The following PIAS2 variants were observed in gnomAD, a reference collection of about 807,000 sequenced individuals.
The protein encoded by PIAS2 is E3 SUMO-protein ligase PIAS2.
PIAS2 carries 19 observed loss-of-function variants against 69.7 expected under a neutral mutation model. The observed-to-expected ratio is 0.27, with a 90% CI of 0.19 to 0.40. PIAS2 has a LOEUF of 0.40. Ranked by LOEUF, PIAS2 falls within the 10% of genes least tolerant of loss-of-function variation. The pLI is 1.00. For missense variants in PIAS2, 624 were observed against 757.0 expected (o/e 0.82, Z 2.06); for synonymous variants, 261 against 263.2 (o/e 0.99, Z 0.08).
intron 12 of PIAS2, chr18:46,817,941 G>A: frequency 2.0e-6 from 2 of 983,678 alleles, no homozygotes; most frequent in Non-Finnish European, 2.4e-6. Context: ...TTAGCAAAAT[G>A]CTGTTTCTTA....
rs1231281249 is a variant in PIAS2 at position 46,803,393 on chromosome 18, T to C, written c.*9040A>G. 1 of 152,196 alleles carries C rather than the reference T, an allele frequency of 6.6e-6. No individual in the cohort carries two copies. Among genetic ancestry groups the C allele is most frequent in the East Asian group, 1.9e-4 (1 of 5,194 alleles). 9.4% of individuals were successfully genotyped at this position (152,196 alleles called of 1,614,324 possible). ...ACCACTTGCTTCTTGAAATACTCTATTTTTTGGCCTCTGTAATACCACGTT... is the reference window on the plus strand; with the variant it reads ...ACCACTTGCTTCTTGAAATACTCTACTTTTTGGCCTCTGTAATACCACGTT... On this transcript the variant is annotated 3_prime_UTR_variant, in exon 14 of 14. Coordinates refer to ENST00000585916, the MANE Select transcript of PIAS2 (RefSeq NM_004671.5).
chr18:46,822,738 G>T (rs1015340854), intron 11 of PIAS2, among the ~76,000 whole-genome samples: 46 of 152,110 alleles, frequency 3.0e-4, no homozygotes, highest in Non-Finnish European at 4.0e-4. Context: ...GTTTATATGA[G>T]AAACTGGAGG....
intron 8 of PIAS2, among the ~76,000 whole-genome samples, chr18:46,839,884 C>G (rs980121114): frequency 2.7e-5 from 4 of 149,910 alleles, no homozygotes; most frequent in Admixed American, 6.6e-5. Flanking sequence ...AAAAAAAGGC[C>G]GGGCACAGTG....
intron 9 of PIAS2, among the ~76,000 whole-genome samples, chr18:46,833,196 T>C (rs1358140032): frequency 2.0e-5 from 3 of 152,180 alleles, no homozygotes; most frequent in Non-Finnish European, 4.4e-5. Flanking sequence ...AACTGTGGGT[T>C]AGAATGCAAC....
At position 46,812,443 on chromosome 18, in the gene PIAS2, G is replaced by A; in HGVS notation, c.1856C>T (p.Ser619Leu). The A allele has an allele frequency of 1.9e-6, 3 of 1,607,330 alleles. No individual in the cohort carries two copies. Among genetic ancestry groups the A allele is most frequent in the Non-Finnish European group, 2.6e-6 (3 of 1,175,192 alleles). Residue 619 changes from serine (S) to leucine (L), a missense_variant, in exon 14 of 14, where the codon TCA becomes TTA. By Grantham distance (145) the Ser-to-Leu change is moderately radical (BLOSUM62 -2). Transcript: ENST00000585916. ...CAAGTGAGTCCTCCTTTAGTCCAAT[G>A]AGATGATGTCAGGAATGTTACTTCC... ...SSGSNIPDII[S>L]LD
At chr18:46,866,529 G>C (rs1018102127) in intron 2 of PIAS2, among the ~76,000 whole-genome samples, 8 of 152,134 alleles carry the variant, frequency 5.3e-5, no homozygotes, top group African/African-American at 1.9e-4. Context: ...AAATCACCAG[G>C]ATTATTTTAA....
intron 2 of PIAS2, among the ~76,000 whole-genome samples, chr18:46,874,934 C>A (rs2050925284): frequency 6.6e-6 from 1 of 152,098 alleles, no homozygotes; most frequent in African/African-American, 2.4e-5. Flanking sequence ...ATCTGCACGG[C>A]CAAAAGGGGA....
chr18:46,917,070 T>C (rs2058036592), intron 1 of PIAS2: 16 of 988,488 alleles, frequency 1.6e-5, no homozygotes, highest in Non-Finnish European at 1.9e-5. Context: ...GCGCCAGGTG[T>C]GCGGACCACT....
chr18:46,879,732 G>GA (rs1388868217), intron 2 of PIAS2, among the ~76,000 whole-genome samples: 2 of 151,604 alleles, frequency 1.3e-5, no homozygotes, highest in East Asian at 1.9e-4. Context: ...CCTTAAAAAG[G>GA]AAAAAAAATC....
At chr18:46,917,086 C>G in intron 1 of PIAS2, 1 of 989,326 alleles carries the variant, frequency 1.0e-6, no homozygotes, top group Non-Finnish European at 1.2e-6. Flanking sequence ...CCACTGGCAG[C>G]ACTCAGGAGC....
intron 9 of PIAS2, among the ~76,000 whole-genome samples, chr18:46,834,080 G>C (rs1361477684): frequency 3.3e-5 from 5 of 151,266 alleles, no homozygotes; most frequent in Non-Finnish European, 1.5e-5. Context: ...TTTAGACCTA[G>C]TATCTGACAC....
chr18:46,863,041 T>C (rs1042348078), intron 3 of PIAS2, among the ~76,000 whole-genome samples: 9 of 152,110 alleles, frequency 5.9e-5, no homozygotes, highest in Non-Finnish European at 1.0e-4. Context: ...AATTAAATGC[T>C]ACAGATTTCC....
chr18:46,909,543 C>T (rs947320219), intron 1 of PIAS2, among the ~76,000 whole-genome samples: 2 of 152,188 alleles, frequency 1.3e-5, no homozygotes, highest in Admixed American at 1.3e-4. Context: ...CTACCATGCC[C>T]AACCGATAAA....
At chr18:46,866,849 G>A (rs935364430) in intron 2 of PIAS2, among the ~76,000 whole-genome samples, 2 of 152,092 alleles carry the variant, frequency 1.3e-5, no homozygotes, top group African/African-American at 4.8e-5. Flanking sequence ...CACTCTTAGC[G>A]TGCCACAAGC....
intron 5 of PIAS2, among the ~76,000 whole-genome samples, chr18:46,850,512 T>C (rs773906261): frequency 1.3e-5 from 2 of 152,210 alleles, no homozygotes; most frequent in Non-Finnish European, 1.5e-5. Flanking sequence ...ACCTCCCATA[T>C]ATTTTTAAAG....
intron 2 of PIAS2, among the ~76,000 whole-genome samples, chr18:46,879,477 G>C (rs760130844): frequency 9.9e-5 from 15 of 152,204 alleles, no homozygotes; most frequent in Non-Finnish European, 2.1e-4. Context: ...AAATGGTGCA[G>C]CTGCTGTGGA....
intron 2 of PIAS2, among the ~76,000 whole-genome samples, chr18:46,866,703 A>G (rs947468328): frequency 2.0e-5 from 3 of 152,224 alleles, no homozygotes; most frequent in African/African-American, 7.2e-5. Context: ...GGGAGGAAAT[A>G]TGAGAACAGC....
At chr18:46,818,205 G>T in intron 12 of PIAS2, 8 of 1,190,028 alleles carry the variant, frequency 6.7e-6, no homozygotes, top group Non-Finnish European at 7.3e-6. Context: ...AAACATAACT[G>T]CTACATGATT....
chr18:46,828,510 A>G (rs750874718), intron 10 of PIAS2, among the ~76,000 whole-genome samples: 41 of 152,342 alleles, frequency 2.7e-4, no homozygotes, highest in Admixed American at 5.2e-4. Context: ...GTCATGGGAC[A>G]AGAATGGGTG....
Sources: allele counts gnomAD v4.1 joint callset (sites outside exome capture counted in the v4.1 genomes callset), GRCh38; gene constraint gnomAD v4.1.1; transcripts MANE v1.5; gene names NCBI Gene and HGNC (gene_info 2026-07-23, HGNC 2026-07-21).